The following EHMT1 variants were observed in gnomAD, a reference collection of about 807,000 sequenced individuals.
The protein encoded by EHMT1 is histone-lysine N-methyltransferase EHMT1.
Under a neutral mutation model 147.2 loss-of-function variants are expected in EHMT1, and 15 were observed. The observed-to-expected ratio is 0.10, with a 90% CI of 0.07 to 0.16. EHMT1 has a LOEUF of 0.16. EHMT1 is among the 10% of genes least tolerant of loss of function. The probability of loss-of-function intolerance (pLI) is 1.00; values close to 1 mark genes in which losing one functional copy is unlikely to be tolerated. For synonymous variants in EHMT1, 795 were observed against 709.6 expected, an observed-to-expected ratio of 1.12 and a Z score of -1.91; for missense variants, 1,587 against 1,772.4, an observed-to-expected ratio of 0.90 and a Z score of 1.88.
At chr9:137,707,874 C>T (rs999484554) in intron 1 of EHMT1, among the ~76,000 whole-genome samples, 8 of 152,092 alleles carry the variant, frequency 5.3e-5, no homozygotes, top group African/African-American at 1.7e-4. Flanking sequence ...TGCTCCACCC[C>T]GGCTCATCTC....
In EHMT1 at chr9:137,652,961, C is replaced by G. The variant is rs967749294; in HGVS notation, c.21+33912C>G. Reference sequence around the variant, plus strand: ...CAGGCTGGTCTTGAACTCCTGACCTCAGGTGATCCATTCGCCTTGGCCTCC... The same window carrying G: ...CAGGCTGGTCTTGAACTCCTGACCTGAGGTGATCCATTCGCCTTGGCCTCC... On this transcript the variant is annotated intron_variant, in intron 1 of 26. Transcript: ENST00000460843. Among the ~76,000 whole-genome samples, 4 of 151,826 alleles carry G rather than the reference C, an allele frequency of 2.6e-5. No individual in the cohort carries two copies. In the East Asian group the frequency reaches 7.8e-4, roughly 30 times the overall value.
intron 4 of EHMT1, among the ~76,000 whole-genome samples, chr9:137,734,741 A>AG (rs1947390422): frequency 6.6e-6 from 1 of 152,236 alleles, no homozygotes; most frequent in Non-Finnish European, 1.5e-5. Context: ...TTCCTCAGTG[A>AG]GATCATTGGC....
chr9:137,817,668 G>A, intron 24 of EHMT1, 143 bp downstream of exon 24: 6 of 1,078,106 alleles, frequency 5.6e-6, no homozygotes, highest in Non-Finnish European at 8.2e-6. Context: ...AGAGACCCTG[G>A]CCCCGAGAAC....
At chr9:137,624,373 G>A (rs1365033941) in intron 1 of EHMT1, among the ~76,000 whole-genome samples, 1 of 147,690 alleles carries the variant, frequency 6.8e-6, no homozygotes, top group Non-Finnish European at 1.5e-5. Context: ...AGGCTGGCAT[G>A]CAGTGGTGTG....
At chr9:137,671,556 G>A (rs780836417) in intron 1 of EHMT1, among the ~76,000 whole-genome samples, 1 of 126,800 alleles carries the variant, frequency 7.9e-6, no homozygotes, top group Non-Finnish European at 1.6e-5. Context: ...ACAGAGTTTC[G>A]CTCTGTCTTC....
intron 3 of EHMT1, among the ~76,000 whole-genome samples, chr9:137,723,102 C>T (rs1336411698): frequency 8.7e-5 from 12 of 137,560 alleles, no homozygotes; most frequent in African/African-American, 3.3e-4. Flanking sequence ...GGGCCTGAGC[C>T]CGGGGTGTGT....
intron 25 of EHMT1, among the ~76,000 whole-genome samples, chr9:137,829,958 C>T (rs531403903): frequency 1.3e-5 from 2 of 152,190 alleles, no homozygotes; most frequent in Admixed American, 1.3e-4. Flanking sequence ...TTTGTGGTTA[C>T]TCCTCAGAGA....
Position 137,787,558 on chromosome 9 carries a change from C to T in EHMT1, c.2383-3290C>T. On this transcript the variant is annotated intron_variant, in intron 15 of 26. Transcript: ENST00000460843. The surrounding 1 kb of genome is among the most constrained non-coding windows in gnomAD (Gnocchi z 4.2). The stretch of plus-strand genomic sequence containing the variant: ...CCATGGACTCCCAGCAAGGCTGCTG[C>T]CTGGTGTTTCGAGGCTGCTGTGGTC... 5 of 440,440 alleles carry T rather than the reference C, an allele frequency of 1.1e-5. No homozygotes were observed. Among genetic ancestry groups the T allele is most frequent in the Non-Finnish European group, 2.1e-5 (5 of 239,926 alleles). 27.3% of individuals were successfully genotyped at this position (440,440 alleles called of 1,614,324 possible).
rs573860257 is a variant in EHMT1 at position 137,822,564 on chromosome 9, C to T, written c.3540+4426C>T. Among the ~76,000 whole-genome samples the T allele has an allele frequency of 2.8e-3, 431 of 152,216 alleles. 2 individuals are homozygous for T. Among genetic ancestry groups the T allele is most frequent in the African/African-American group, 0.01 (418 of 41,528 alleles). ...AGAGCCTCTTTTCATATGTGTGTTGCCATCCTTTTACTTCTTTTGTGAAGT... is the reference window on the plus strand; with the variant it reads ...AGAGCCTCTTTTCATATGTGTGTTGTCATCCTTTTACTTCTTTTGTGAAGT... On this transcript the variant is annotated intron_variant, in intron 25 of 26. Coordinates refer to ENST00000460843, the MANE Select transcript of EHMT1 (RefSeq NM_024757.5).
At chr9:137,834,107 C>T (rs1258574351) in intron 25 of EHMT1, 2 of 595,088 alleles carry the variant, frequency 3.4e-6, no homozygotes, top group Non-Finnish European at 5.9e-6. Context: ...CGCACCACCC[C>T]CACCCCACCA....
intron 26 of EHMT1, 77 bp from the exon 27 acceptor site, chr9:137,834,696 C>T: frequency 6.2e-7 from 1 of 1,609,090 alleles, no homozygotes; most frequent in Non-Finnish European, 8.5e-7. Context: ...GAAGCTTTGG[C>T]CTTGCCTTAA....
intron 10 of EHMT1, among the ~76,000 whole-genome samples, chr9:137,771,873 A>T (rs1347701701): frequency 6.6e-6 from 1 of 152,150 alleles, no homozygotes; most frequent in Non-Finnish European, 1.5e-5. Context: ...AGGCTTTTGT[A>T]TCTCGCTCAG....
At chr9:137,724,111 G>A (rs1279966606) in intron 3 of EHMT1, among the ~76,000 whole-genome samples, 1 of 152,236 alleles carries the variant, frequency 6.6e-6, no homozygotes, top group Admixed American at 6.5e-5. Context: ...CTCTCTGTGT[G>A]TGTGTTTCCA....
chr9:137,833,730 G>C (rs924181831), intron 25 of EHMT1, among the ~76,000 whole-genome samples: 13 of 152,248 alleles, frequency 8.5e-5, no homozygotes, highest in African/African-American at 3.1e-4. Flanking sequence ...ACCAGGGTGA[G>C]GAGGACGCCT....
At chr9:137,806,811 T>G (rs1019261500) in intron 18 of EHMT1, among the ~76,000 whole-genome samples, 1 of 152,246 alleles carries the variant, frequency 6.6e-6, no homozygotes, top group African/African-American at 2.4e-5. Context: ...TCTGGATGCG[T>G]AGTTATTTCT....
At position 137,760,892 on chromosome 9, in the gene EHMT1, C is replaced by A. The variant is rs1002830338; in HGVS notation, c.1502-1783C>A. On this transcript the variant is annotated intron_variant, in intron 9 of 26. Transcript: ENST00000460843. ...GCGTGGTGGCGGGCGCCTGTAGTCCCAGCTACTTGGGAGGCTGAGGCGGGA... is the reference window on the plus strand; with the variant it reads ...GCGTGGTGGCGGGCGCCTGTAGTCCAAGCTACTTGGGAGGCTGAGGCGGGA... Among the ~76,000 whole-genome samples the A allele has an allele frequency of 5.3e-5, 8 of 152,336 alleles. 1 individual carries two copies. Among genetic ancestry groups the A allele is most frequent in the Admixed American group, 5.2e-4 (8 of 15,298 alleles).
chr9:137,812,721 A>G (rs1954595485), intron 19 of EHMT1, among the ~76,000 whole-genome samples: 1 of 152,212 alleles, frequency 6.6e-6, no homozygotes, highest in Admixed American at 6.5e-5. Context: ...TTGAATGAAA[A>G]ATCCAAGAAA....
At chr9:137,815,765 A>AG in intron 22 of EHMT1, 182 bp from the exon 23 acceptor site, 2 of 654,960 alleles carry the variant, frequency 3.1e-6, no homozygotes, top group Non-Finnish European at 5.6e-6. Flanking sequence ...ATCTGGGTGG[A>AG]GGCTTCTCAT....
At position 137,715,893 on chromosome 9, in the gene EHMT1, G is replaced by C. The variant is rs1208044721; in HGVS notation, c.86-733G>C. ...GATTCCCCAAACTTAACCAACTAAC[G>C]TTCAACGTTAATGCTTAAGAAATGT... On this transcript the variant is annotated intron_variant, in intron 2 of 26. Transcript: ENST00000460843. 7.4e-6 allele frequency: 7 copies of C among 945,806 alleles called. No homozygotes were observed. In the African/African-American group the frequency reaches 8.9e-5, roughly 12 times the overall value. 58.6% of individuals were successfully genotyped at this position (945,806 alleles called of 1,614,324 possible).
Sources: allele counts gnomAD v4.1 joint callset (sites outside exome capture counted in the v4.1 genomes callset), GRCh38; gene constraint gnomAD v4.1.1; non-coding constraint Gnocchi (gnomAD v3.1); transcripts MANE v1.5; gene names NCBI Gene and HGNC (gene_info 2026-07-23, HGNC 2026-07-21).